The following NRXN2 variants were observed in gnomAD, a reference collection of about 807,000 sequenced individuals.
NRXN2 encodes neurexin-2-beta.
A neutral mutation model predicts 128.8 loss-of-function variants in NRXN2; 29 were observed. The observed-to-expected ratio is 0.23, with a 90% CI of 0.17 to 0.31. The LOEUF (loss-of-function observed/expected upper bound fraction) is 0.31, where lower values mean the gene tolerates loss of function less well. Ranked by LOEUF, NRXN2 falls within the 10% of genes least tolerant of loss-of-function variation. NRXN2 has a pLI of 1.00. For missense variants in NRXN2, 1,881 were observed against 2,452.6 expected (o/e 0.77, Z 4.92); for synonymous variants, 1,098 against 1,075.2 (o/e 1.02, Z -0.41).
intron 21 of NRXN2, 87 bp from the exon 22 acceptor site, chr11:64,620,459 C>CA: frequency 9.4e-7 from 1 of 1,059,186 alleles, no homozygotes; most frequent in Non-Finnish European, 1.4e-6. Context: ...CACGGTGGCA[C>CA]GGGGGATGCC....
intron 5 of NRXN2, among the ~76,000 whole-genome samples, chr11:64,688,056 A>C (rs756600395): frequency 6.6e-6 from 1 of 152,220 alleles, no homozygotes; most frequent in Non-Finnish European, 1.5e-5. Flanking sequence ...ATCATTAAAG[A>C]GAGTCAAACA....
intron 17 of NRXN2, among the ~76,000 whole-genome samples, chr11:64,647,009 C>G (rs561692199): frequency 2.0e-4 from 31 of 152,120 alleles, no homozygotes; most frequent in Admixed American, 2.0e-3. Context: ...AAACTAACAC[C>G]ACCCAAGAGC....
chr11:64,674,276 C>T (rs7936952), intron 7 of NRXN2, among the ~76,000 whole-genome samples: 6 of 152,068 alleles, frequency 3.9e-5, no homozygotes, highest in South Asian at 2.1e-4. Flanking sequence ...CTGCAACCTC[C>T]GCTTCCCAGG....
At chr11:64,676,944 A>G in intron 7 of NRXN2, 49 bp downstream of exon 7, 1 of 1,558,126 alleles carries the variant, frequency 6.4e-7, no homozygotes, top group South Asian at 1.1e-5. Flanking sequence ...CGAACAGTTA[A>G]AAAAACCCAC....
At chr11:64,719,732 G>A (rs941782876) in intron 1 of NRXN2, among the ~76,000 whole-genome samples, 22 of 152,342 alleles carry the variant, frequency 1.4e-4, no homozygotes, top group African/African-American at 4.8e-4. Flanking sequence ...GCTGTGCACA[G>A]CTGGGGCACA....
intron 7 of NRXN2, among the ~76,000 whole-genome samples, chr11:64,672,136 C>CACTGCCCAGCCCCCACTGT (rs1271995548): frequency 2.0e-5 from 3 of 152,202 alleles, no homozygotes; most frequent in Non-Finnish European, 4.4e-5. Context: ...AGCAGGAGCC[C>CACTGCCCAGCCCCCACTGT]ACTGCCCAGC....
rs761811931 is a variant in NRXN2 at position 64,713,577 on chromosome 11, G to A, written c.123C>T (p.Tyr41=). The A allele has an allele frequency of 1.7e-5, 23 of 1,388,812 alleles. No individual in the cohort carries two copies. In the Admixed American group the frequency reaches 6.1e-4, roughly 37 times the overall value. The allele number at this position is 1,388,812 out of a possible 1,614,324, so 86.0% of individuals were successfully genotyped here. The part of the protein sequence containing the change: ...FGGGPGQWAR[Y]ARWAGAASSG... ...TGCTCGCCGCGCCCGCCCAGCGCGCGTAGCGAGCCCACTGCCCGGGGCCGC... is the reference window on the plus strand; with the variant it reads ...TGCTCGCCGCGCCCGCCCAGCGCGCATAGCGAGCCCACTGCCCGGGGCCGC... Residue 41 remains tyrosine, a synonymous_variant, in exon 2 of 23, where the codon TAC becomes TAT. Coordinates refer to ENST00000265459, the MANE Select transcript of NRXN2 (RefSeq NM_015080.4).
In NRXN2 at chr11:64,623,134, G is replaced by A. The variant is rs1284416723; in HGVS notation, c.3848-56C>T. ...GGGGCAGGCAGTGAGGGGAGACCAG[G>A]AAGGGAAGGAAGAAAAGAAGGAAGC... On this transcript the variant is annotated intron_variant, in intron 20 of 22. Transcript: ENST00000265459. This position sits in a 1 kb window ranked among gnomAD's most constrained non-coding sequence, Gnocchi z 4.9. 1.3e-5 allele frequency: 20 copies of A among 1,541,986 alleles called. No homozygotes were observed. The highest frequency in any genetic ancestry group is 1.8e-5 in the Non-Finnish European group (20 of 1,140,090).
chr11:64,715,989 G>A (rs1376533019), intron 1 of NRXN2, among the ~76,000 whole-genome samples: 2 of 152,152 alleles, frequency 1.3e-5, no homozygotes, highest in African/African-American at 4.8e-5. Flanking sequence ...GGCATGGGGG[G>A]AGGGAAAGGT....
In NRXN2 at chr11:64,676,643, C is replaced by T. The variant is rs143010979; in HGVS notation, c.1197+350G>A. 129 of 336,538 alleles carry T rather than the reference C, an allele frequency of 3.8e-4. 1 individual carries two copies. In the East Asian group the frequency reaches 6.2e-3, roughly 16 times the overall value. The allele number at this position is 336,538 out of a possible 1,614,324, so 20.8% of individuals were successfully genotyped here. A position where few individuals can be genotyped will look rare whatever the true frequency, so the allele number is the denominator to read the frequency against. The stretch of plus-strand genomic sequence containing the variant: ...AACAAAATAAAGCAATAGAAATAAG[C>T]AGCCTGGCATCGGGGCTGGTCTAAC... On this transcript the variant is annotated intron_variant, in intron 7 of 22. Coordinates refer to ENST00000265459, the MANE Select transcript of NRXN2 (RefSeq NM_015080.4).
In NRXN2 at chr11:64,632,321, T is replaced by C. The variant is rs2044032559; in HGVS notation, c.3586-1748A>G. ...CACAGTCATACATGCATGCAGCCTC[T>C]CTCCTCAGATGCAGTAAAGCAGGGA... On this transcript the variant is annotated intron_variant, in intron 18 of 22. Transcript: ENST00000265459. The surrounding 1 kb of genome is among the most constrained non-coding windows in gnomAD (Gnocchi z 4.2). 6.6e-6 allele frequency among the ~76,000 whole-genome samples: 1 copy of C among 152,076 alleles called. No individual in the cohort carries two copies. The highest frequency in any genetic ancestry group is 2.4e-5 in the African/African-American group (1 of 41,382).
rs959867285 is a variant in NRXN2 at position 64,713,619 on chromosome 11, G to T, written c.81C>A (p.Asp27Glu). 1 of 1,262,994 alleles carries T rather than the reference G, an allele frequency of 7.9e-7. No individual in the cohort carries two copies. Among genetic ancestry groups the T allele is most frequent in the Non-Finnish European group, 1.0e-6 (1 of 1,000,878 alleles). The allele number at this position is 1,262,994 out of a possible 1,614,324, so 78.2% of individuals were successfully genotyped here. A position where few individuals can be genotyped will look rare whatever the true frequency, so the allele number is the denominator to read the frequency against. Residue 27 changes from aspartate (D) to glutamate (E), a missense_variant, in exon 2 of 23, where the codon GAC (aspartate) becomes GAA (glutamate). Coordinates refer to ENST00000265459, the MANE Select transcript of NRXN2 (RefSeq NM_015080.4). Reference sequence around the variant, plus strand: ...CGGGGCCGCCGCCGAACTCCAGGCCGTCCGCGCGCGCCGCCAGCGCCAGCA... The same window carrying T: ...CGGGGCCGCCGCCGAACTCCAGGCCTTCCGCGCGCGCCGCCAGCGCCAGCA... ...LLLLALAARA[D>E]GLEFGGGPGQ...
intron 17 of NRXN2, among the ~76,000 whole-genome samples, chr11:64,645,920 G>A (rs2046584607): frequency 6.6e-6 from 1 of 152,184 alleles, no homozygotes; most frequent in African/African-American, 2.4e-5. Flanking sequence ...GGTGAAGGCA[G>A]AGCTAACTGA....
At chr11:64,649,705 A>G (rs902942954) in intron 15 of NRXN2, among the ~76,000 whole-genome samples, 3 of 152,140 alleles carry the variant, frequency 2.0e-5, no homozygotes, top group Non-Finnish European at 2.9e-5. Context: ...ACCCTCCCCA[A>G]GCTCTGACAG....
chr11:64,720,467 C>CG (rs2057406123), intron 1 of NRXN2, among the ~76,000 whole-genome samples: 1 of 151,154 alleles, frequency 6.6e-6, no homozygotes, highest in Non-Finnish European at 1.5e-5. Context: ...AGGATTAATG[C>CG]GGGGGGTGGG....
chr11:64,723,105 C>G lies in NRXN2; in HGVS notation c.-379G>C, dbSNP rs2135703407. On this transcript the variant is annotated 5_prime_UTR_variant, in exon 1 of 23. Coordinates refer to ENST00000265459, the MANE Select transcript of NRXN2 (RefSeq NM_015080.4). Reference sequence around the variant, plus strand: ...CTCTCCCTCCCCGCCGCGTCCCCGCCCGCCCGCCCGCCCCGCCGCGGTGCC... The same window carrying G: ...CTCTCCCTCCCCGCCGCGTCCCCGCGCGCCCGCCCGCCCCGCCGCGGTGCC... 7.6e-6 allele frequency: 1 copy of G among 130,906 alleles called. No individual in the cohort carries two copies. Among genetic ancestry groups the G allele is most frequent in the South Asian group, 3.1e-4 (1 of 3,258 alleles). The allele number at this position is 130,906 out of a possible 1,614,324, so 8.1% of individuals were successfully genotyped here.
At chr11:64,706,077 T>TAC (rs1184337445) in intron 2 of NRXN2, among the ~76,000 whole-genome samples, 1 of 57,390 alleles carries the variant, frequency 1.7e-5, no homozygotes, top group Non-Finnish European at 3.1e-5. Flanking sequence ...TATATATATA[T>TAC]AATATATATA....
chr11:64,642,506 A>G (rs1457612401), intron 17 of NRXN2: 1 of 1,595,898 alleles, frequency 6.3e-7, no homozygotes, highest in African/African-American at 1.4e-5. Context: ...CCCCCGGGCC[A>G]ACCGGGTGGC....
chr11:64,638,786 T>C (rs1187618552), intron 17 of NRXN2, among the ~76,000 whole-genome samples: 3 of 152,224 alleles, frequency 2.0e-5, no homozygotes, highest in African/African-American at 7.2e-5. Flanking sequence ...AGAAAGCCTC[T>C]GGCCAAACAC....
Sources: gnomAD v4.1 joint callset for allele counts (sites outside exome capture counted in the v4.1 genomes callset) on GRCh38, gnomAD v4.1.1 for gene constraint, Gnocchi (gnomAD v3.1) non-coding constraint, MANE v1.5 for transcripts, NCBI Gene and HGNC (gene_info 2026-07-23, HGNC 2026-07-21) for gene names.